The following LCT variants were observed in gnomAD, a reference collection of about 807,000 sequenced individuals.
The protein encoded by LCT is lactase.
LCT carries 90 observed loss-of-function variants against 173.0 expected under a neutral mutation model. The observed-to-expected ratio is 0.52, with a 90% CI of 0.44 to 0.62. LCT has a LOEUF of 0.62. LCT is among the 20% of genes least tolerant of loss of function. LCT has a pLI of 0.00. For synonymous variants in LCT, 853 were observed against 957.6 expected, an observed-to-expected ratio of 0.89 and a Z score of 2.02; for missense variants, 1,864 against 2,431.4, an observed-to-expected ratio of 0.77 and a Z score of 4.91.
At chr2:135,806,110 C>T (rs1312069727) in intron 9 of LCT, among the ~76,000 whole-genome samples, 1 of 152,080 alleles carries the variant, frequency 6.6e-6, no homozygotes, top group Non-Finnish European at 1.5e-5. Context: ...CTCAGCCTCC[C>T]GAGTAGCTGG....
chr2:135,804,982 C>T lies in LCT; in HGVS notation c.4249G>A (p.Glu1417Lys). 6.2e-7 allele frequency: 1 copy of T among 1,614,200 alleles called. No individual in the cohort carries two copies. The highest frequency in any genetic ancestry group is 8.5e-7 in the Non-Finnish European group (1 of 1,180,028). Residue 1417 changes from glutamate to lysine, a missense_variant, in exon 10 of 17, where the codon GAG becomes AAG. Transcript: ENST00000264162. The stretch of plus-strand genomic sequence containing the variant: ...GCCACGTCTCCAATGGCATCGTTCT[C>T]AACCCTCAGTGGTGTGTGAGAAAAC... ...DTFSHTPLRV[E>K]NDAIGDVACD...
intron 2 of LCT, among the ~76,000 whole-genome samples, chr2:135,832,451 A>T (rs769457952): frequency 6.6e-6 from 1 of 151,738 alleles, no homozygotes; most frequent in Non-Finnish European, 1.5e-5. Flanking sequence ...AAATAAAAAT[A>T]AAAAATAAAA....
rs976541839 is a variant in LCT, at chr2:135,817,635, G to A, written c.1413C>T (p.Leu471=). 1.9e-6 allele frequency: 3 copies of A among 1,613,856 alleles called. No homozygotes were observed. In the African/African-American group the frequency reaches 4.0e-5, roughly 22 times the overall value. ...GCTTGTTGTAGTAGGCAACGCCTGG[G>A]AGGCTGGGGCTGCTCCCGTGCCCCA... ...FPMGHGSSPS[L]PGVAYYNKLI... is the part of the protein sequence containing the mutation. Residue 471 remains leucine (L), a synonymous_variant, in exon 6 of 17, where the codon CTC becomes CTT. Coordinates refer to ENST00000264162, the MANE Select transcript of LCT (RefSeq NM_002299.4).
intron 1 of LCT, among the ~76,000 whole-genome samples, chr2:135,835,504 ATATATAT>A (rs1282089670): frequency 1.4e-5 from 1 of 69,276 alleles, no homozygotes; most frequent in Non-Finnish European, 2.4e-5. Flanking sequence ...ATATATATAT[ATATATAT>A]ATATATATAT....
intron 1 of LCT, among the ~76,000 whole-genome samples, chr2:135,836,022 ATAT>A (rs1558748712): frequency 2.6e-5 from 3 of 117,088 alleles, no homozygotes; most frequent in East Asian, 3.0e-4. Flanking sequence ...ATATGTATAC[ATAT>A]TTTTTTTTTT....
At chr2:135,826,488 C>T (rs1441945269) in intron 3 of LCT, among the ~76,000 whole-genome samples, 3 of 151,936 alleles carry the variant, frequency 2.0e-5, no homozygotes, top group Middle Eastern at 3.4e-3. Flanking sequence ...ATCGCTTGAA[C>T]CCCAGAGGTG....
At position 135,804,940 on chromosome 2, in the gene LCT, T is replaced by G. The variant is rs768376212; in HGVS notation, c.4291A>C (p.Lys1431Gln). 1.2e-6 allele frequency: 2 copies of G among 1,614,192 alleles called. No homozygotes were observed. The highest frequency in any genetic ancestry group is 1.7e-6 in the Non-Finnish European group (2 of 1,180,026). ...AGGGTGACCAGATCCTCAGCAATCT[T>G]GTGATAACTGTCACAGGCCACGTCT... is the stretch of plus-strand genomic sequence containing the variant. ...IGDVACDSYH[K>Q]IAEDLVTLQN... Residue 1431 changes from lysine (K) to glutamine (Q), a missense_variant, in exon 10 of 17, where the codon AAG becomes CAG. Lys to Gln is a moderately conservative substitution (Grantham distance 53, BLOSUM62 1). Coordinates refer to ENST00000264162, the MANE Select transcript of LCT (RefSeq NM_002299.4).
Position 135,809,180 on chromosome 2 carries a change from C to T in LCT, c.3167G>A (p.Arg1056Lys). The change falls in exon 8 of 17, where the codon AGA (arginine) becomes AAA (lysine). Residue 1056 changes from arginine to lysine, a missense_variant. By Grantham distance (26) the Arg-to-Lys change is conservative (BLOSUM62 2). Around this residue, in one of 4 missense-constraint regions of LCT, gnomAD observed 755 missense variants for 926.3 expected, o/e 0.82. Coordinates refer to ENST00000264162, the MANE Select transcript of LCT (RefSeq NM_002299.4). This position sits in a 1 kb window ranked among gnomAD's most constrained non-coding sequence, Gnocchi z 5.5. ...ADFCFQTFGD[R>K]VKFWMTFNEP... ...ATTAAAAGTCATCCAAAACTTGACTCTATCACCAAAGGTCTGGAAACAAAA... is the reference window on the plus strand; with the variant it reads ...ATTAAAAGTCATCCAAAACTTGACTTTATCACCAAAGGTCTGGAAACAAAA... The T allele has an allele frequency of 6.2e-7, 1 of 1,614,240 alleles. No homozygotes were observed. Among genetic ancestry groups the T allele is most frequent in the Non-Finnish European group, 8.5e-7 (1 of 1,180,040 alleles).
At chr2:135,828,011 T>G (rs1410621680) in intron 3 of LCT, among the ~76,000 whole-genome samples, 1 of 152,168 alleles carries the variant, frequency 6.6e-6, no homozygotes, top group Admixed American at 6.5e-5. Flanking sequence ...TTGACATTCC[T>G]GAGCTTGGCC....
At chr2:135,832,834 A>G (rs2077950968) in intron 2 of LCT, among the ~76,000 whole-genome samples, 1 of 151,972 alleles carries the variant, frequency 6.6e-6, no homozygotes, top group South Asian at 2.1e-4. Context: ...TTTTGCCATA[A>G]TCTCATCTCT....
chr2:135,803,418 G>A (rs1027520618), intron 11 of LCT, among the ~76,000 whole-genome samples: 12 of 152,184 alleles, frequency 7.9e-5, no homozygotes, highest in Admixed American at 2.0e-4. Flanking sequence ...TCAGCCCCAT[G>A]GGCCGCAGAC....
Position 135,831,877 on chromosome 2 carries a change from G to T in LCT, c.720+1234C>A, listed in dbSNP as rs114685049. On this transcript the variant is annotated intron_variant, in intron 2 of 16. Transcript: ENST00000264162. Reference sequence around the variant, plus strand: ...CCAGACTGCCCAGCTGCCCAAGGGGGCCCAAAGCTGTTCACTTCCCAGATT... The same window carrying T: ...CCAGACTGCCCAGCTGCCCAAGGGGTCCCAAAGCTGTTCACTTCCCAGATT... Among the ~76,000 whole-genome samples, 962 of 152,242 alleles carry T rather than the reference G, an allele frequency of 6.3e-3. 9 individuals are homozygous for T. Among genetic ancestry groups the T allele is most frequent in the African/African-American group, 0.022 (901 of 41,540 alleles).
intron 3 of LCT, 92 bp from the exon 4 acceptor site, chr2:135,824,095 CTTA>C: frequency 1.2e-6 from 1 of 831,430 alleles, no homozygotes; most frequent in Non-Finnish European, 2.1e-6. Context: ...AGCTGTGGCA[CTTA>C]CTCTGGCTTT....
At chr2:135,806,930 C>T (rs979433156) in intron 9 of LCT, among the ~76,000 whole-genome samples, 198 bp downstream of exon 9, 2 of 152,236 alleles carry the variant, frequency 1.3e-5, no homozygotes, top group Admixed American at 1.3e-4. Flanking sequence ...CAGCGAGCCT[C>T]ACCATGCTGG....
In LCT at chr2:135,822,024, T is replaced by C; in HGVS notation, c.982A>G (p.Lys328Glu). The part of the protein sequence containing the change: ...EFLSCSSSSK[K>E]SMSCSLTGSL... ...CAATAGGCAACCTGACATTACCTTT[T>C]CTTGGAACTTGATGAACAACTCAGA... Residue 328 changes from lysine to glutamate, a missense_variant, in exon 5 of 17, where the codon AAA (lysine) becomes GAA (glutamate). Around this residue, in one of 4 missense-constraint regions of LCT, gnomAD observed 412 missense variants for 462.0 expected, o/e 0.89. Transcript: ENST00000264162. The C allele has an allele frequency of 6.3e-7, 1 of 1,587,094 alleles. No individual in the cohort carries two copies. The highest frequency in any genetic ancestry group is 1.1e-5 in the South Asian group (1 of 90,486).
At chr2:135,832,227 T>A (rs932636959) in intron 2 of LCT, among the ~76,000 whole-genome samples, 29 of 149,320 alleles carry the variant, frequency 1.9e-4, no homozygotes, top group South Asian at 1.1e-3. Flanking sequence ...AAAAAAAAAA[T>A]AAAATAAAAA....
intron 15 of LCT, 145 bp from the exon 16 acceptor site, chr2:135,789,943 C>T (rs2105516547): frequency 1.4e-6 from 1 of 721,652 alleles, no homozygotes; most frequent in East Asian, 2.6e-5. Context: ...TGTGAGAAAG[C>T]TGCCCCTTTC....
At position 135,798,142 on chromosome 2, in the gene LCT, C is replaced by T. The variant is rs769560250; in HGVS notation, c.4867-4G>A. 3.8e-5 allele frequency: 58 copies of T among 1,518,936 alleles called. No homozygotes were observed. Among genetic ancestry groups the T allele is most frequent in the Middle Eastern group, 3.3e-4 (2 of 5,974 alleles). 94.1% of individuals were successfully genotyped at this position (1,518,936 alleles called of 1,614,324 possible). A position where few individuals can be genotyped will look rare whatever the true frequency, so the allele number is the denominator to read the frequency against. ...GTGCAAACCAGCCTCCCATGAACTG[C>T]GGGTAGGGTGGGGGAGACAGCCCAG... is the stretch of plus-strand genomic sequence containing the variant. On this transcript the variant is annotated splice_region_variant and splice_polypyrimidine_tract_variant and intron_variant, in intron 12 of 16. Coordinates refer to ENST00000264162, the MANE Select transcript of LCT (RefSeq NM_002299.4).
At position 135,837,011 on chromosome 2, in the gene LCT, G is replaced by C; in HGVS notation, c.159C>G (p.Asn53Lys). 1 of 1,614,140 alleles carries C rather than the reference G, an allele frequency of 6.2e-7. No homozygotes were observed. The highest frequency in any genetic ancestry group is 8.5e-7 in the Non-Finnish European group (1 of 1,180,028). The part of the protein sequence containing the change: ...LSGLLGDQSS[N>K]FVAGDKDMYV... ...ACATGTCTTTGTCCCCTGCTACAAA[G>C]TTAGAACTCTGGTCTCCCAGGAGAC... Residue 53 changes from asparagine to lysine, a missense_variant, in exon 1 of 17, where the codon AAC becomes AAG. Physicochemically the swap from Asn to Lys is moderately conservative, Grantham distance 94. Around this residue, in one of 4 missense-constraint regions of LCT, gnomAD observed 412 missense variants for 462.0 expected, o/e 0.89. Transcript: ENST00000264162.
Sources: gnomAD v4.1 joint callset for allele counts (sites outside exome capture counted in the v4.1 genomes callset) on GRCh38, gnomAD v4.1.1 for gene constraint, gnomAD v4.1.1 regional missense constraint, Gnocchi (gnomAD v3.1) non-coding constraint, MANE v1.5 for transcripts, NCBI Gene and HGNC (gene_info 2026-07-23, HGNC 2026-07-21) for gene names.